Variants in ZNF382 observed in about 807,000 individuals in gnomAD.
ZNF382 encodes KRAB/zinc finger suppressor protein 1.
Under a neutral mutation model 38.8 loss-of-function variants are expected in ZNF382, and 20 were observed. The observed-to-expected ratio is 0.51, with a 90% CI of 0.36 to 0.75. The LOEUF (loss-of-function observed/expected upper bound fraction) is 0.75, where lower values mean the gene tolerates loss of function less well. ZNF382 is among the 30% of genes least tolerant of loss of function. ZNF382 has a pLI of 0.00. For missense variants in ZNF382, 546 were observed against 654.1 expected (o/e 0.83, Z 1.80); for synonymous variants, 202 against 223.1 (o/e 0.91, Z 0.84).
rs555129551 is a variant in ZNF382 at position 36,633,577 on chromosome 19, A to T, written c.*6027A>T. 22 of 152,288 alleles carry T rather than the reference A, an allele frequency of 1.4e-4. No homozygotes were observed. The highest frequency in any genetic ancestry group is 4.1e-4 in the African/African-American group (17 of 41,576). The allele number at this position is 152,288 out of a possible 1,614,324, so 9.4% of individuals were successfully genotyped here. On this transcript the variant is annotated 3_prime_UTR_variant, in exon 5 of 5. Transcript: ENST00000292928. Reference sequence around the variant, plus strand: ...CCAATATGACCCAGCAATCCCACTTATAAGTACTTATCCTAGAGAAATGAA... The same window carrying T: ...CCAATATGACCCAGCAATCCCACTTTTAAGTACTTATCCTAGAGAAATGAA...
intron 4 of ZNF382, among the ~76,000 whole-genome samples, chr19:36,623,129 C>T (rs1024528083): frequency 2.0e-5 from 3 of 152,030 alleles, no homozygotes; most frequent in African/African-American, 7.2e-5. Context: ...TAACAGAGGC[C>T]ATGTATCCAG....
At chr19:36,614,880 C>CCTTTCCTTTCCT in intron 4 of ZNF382, among the ~76,000 whole-genome samples, 1 of 89,894 alleles carries the variant, frequency 1.1e-5, no homozygotes, top group African/African-American at 4.4e-5. Flanking sequence ...TTCTTTCTTT[C>CCTTTCCTTTCCT]TTCCTTTCCT....
intron 4 of ZNF382, among the ~76,000 whole-genome samples, chr19:36,615,883 A>T (rs920655708): frequency 1.3e-5 from 2 of 152,190 alleles, no homozygotes; most frequent in Non-Finnish European, 2.9e-5. Context: ...GTAGAATAAA[A>T]ATATGTGCTC....
intron 2 of ZNF382, 70 bp downstream of exon 2, chr19:36,607,692 C>A: frequency 7.2e-7 from 1 of 1,382,002 alleles, no homozygotes; most frequent in Non-Finnish European, 9.5e-7. Context: ...CTTCACTGTC[C>A]TTTAACCTTC....
intron 4 of ZNF382, among the ~76,000 whole-genome samples, chr19:36,622,525 C>T (rs1008655926): frequency 7.2e-5 from 11 of 152,156 alleles, no homozygotes; most frequent in African/African-American, 2.4e-4. Flanking sequence ...CACTATGTGA[C>T]GATACATACA....
chr19:36,606,848 T>G (rs896147915), intron 1 of ZNF382, among the ~76,000 whole-genome samples: 3 of 151,800 alleles, frequency 2.0e-5, no homozygotes, highest in Admixed American at 1.3e-4. Context: ...GAGGCCAAGG[T>G]GGGCAGATCA....
At chr19:36,621,186 A>G (rs1158450704) in intron 4 of ZNF382, among the ~76,000 whole-genome samples, 2 of 152,076 alleles carry the variant, frequency 1.3e-5, no homozygotes, top group Admixed American at 6.6e-5. Context: ...ACAATGTGTT[A>G]TATTATCTCA....
chr19:36,607,287 A>C (rs2145309853), intron 1 of ZNF382, among the ~76,000 whole-genome samples: 2 of 151,794 alleles, frequency 1.3e-5, no homozygotes, highest in South Asian at 4.2e-4. Context: ...CTGCAGAGGG[A>C]AAAACACAGT....
intron 1 of ZNF382, 149 bp from the exon 2 acceptor site, chr19:36,607,403 C>T: frequency 1.8e-6 from 1 of 545,552 alleles, no homozygotes; most frequent in Non-Finnish European, 3.2e-6. Context: ...TGTTTTCCCA[C>T]TAACTACCAT....
At chr19:36,623,561 A>T (rs1264652642) in intron 4 of ZNF382, among the ~76,000 whole-genome samples, 2 of 152,058 alleles carry the variant, frequency 1.3e-5, no homozygotes, top group Non-Finnish European at 2.9e-5. Context: ...AGGCCAGGGC[A>T]GGTGGATCAC....
Position 36,626,613 on chromosome 19 carries a change from C to T in ZNF382, c.716C>T (p.Thr239Ile), listed in dbSNP as rs749917102. 58 of 1,614,126 alleles carry T rather than the reference C, an allele frequency of 3.6e-5. No individual in the cohort carries two copies. Among genetic ancestry groups the T allele is most frequent in the Non-Finnish European group, 4.8e-5 (57 of 1,180,022 alleles). The change falls in exon 5 of 5, where the codon ACC becomes ATC. Residue 239 changes from threonine (T) to isoleucine (I), a missense_variant. Transcript: ENST00000292928. ...ACTAGAGCTCACAGAGGAGAAAGAACCTTTGAATACAATAAAGATGGAATT... is the reference window on the plus strand; with the variant it reads ...ACTAGAGCTCACAGAGGAGAAAGAATCTTTGAATACAATAAAGATGGAATT... ...THTRAHRGER[T>I]FEYNKDGIAF...
intron 1 of ZNF382, 32 bp from the exon 2 acceptor site, chr19:36,607,520 C>T (rs1436972100): frequency 7.6e-7 from 1 of 1,317,152 alleles, no homozygotes; most frequent in African/African-American, 1.5e-5. Flanking sequence ...TATGGTCTCA[C>T]ATACGTATAT....
In ZNF382 at chr19:36,629,216, C is replaced by T. The variant is rs1207343174; in HGVS notation, c.*1666C>T. The stretch of plus-strand genomic sequence containing the variant: ...CCTCAGGTGATCTGCCTGCCTCGGC[C>T]TCCCAAAGTGCTAGGATTACAGGGA... On this transcript the variant is annotated 3_prime_UTR_variant, in exon 5 of 5. Transcript: ENST00000292928. 1 of 152,428 alleles carries T rather than the reference C, an allele frequency of 6.6e-6. No individual in the cohort carries two copies. The highest frequency in any genetic ancestry group is 1.9e-4 in the East Asian group (1 of 5,190). The allele number at this position is 152,428 out of a possible 1,614,324, so 9.4% of individuals were successfully genotyped here. A position where few individuals can be genotyped will look rare whatever the true frequency, so the allele number is the denominator to read the frequency against.
chr19:36,622,452 G>A (rs1240097748), intron 4 of ZNF382, among the ~76,000 whole-genome samples: 1 of 152,230 alleles, frequency 6.6e-6, no homozygotes, highest in African/African-American at 2.4e-5. Context: ...GTCTGGGAAA[G>A]TGCCAAACAT....
At position 36,627,170 on chromosome 19, in the gene ZNF382, G is replaced by C; in HGVS notation, c.1273G>C (p.Val425Leu). 6.2e-7 allele frequency: 1 copy of C among 1,614,040 alleles called. No individual in the cohort carries two copies. ...KAFIQKTTLTVHQRTHTGEKP... is the reference protein window; with the variant it reads ...KAFIQKTTLTLHQRTHTGEKP... ...ATTTATCCAGAAGACAACCCTCACTGTTCATCAGAGAACTCACACAGGAGA... is the reference window on the plus strand; with the variant it reads ...ATTTATCCAGAAGACAACCCTCACTCTTCATCAGAGAACTCACACAGGAGA... The change falls in exon 5 of 5, where the codon GTT becomes CTT. Residue 425 changes from valine (V) to leucine (L), a missense_variant. Transcript: ENST00000292928.
Position 36,624,483 on chromosome 19 carries a change from A to C in ZNF382, c.233-1647A>C, listed in dbSNP as rs1362349428. 4.6e-5 allele frequency among the ~76,000 whole-genome samples: 7 copies of C among 152,326 alleles called. No individual in the cohort carries two copies. In the East Asian group the frequency reaches 9.7e-4, roughly 21 times the overall value. Reference sequence around the variant, plus strand: ...GAATCCATCTTTAAATTGCCCTCCCAAATATGGATGGTAGTAAGGCAACAA... The same window carrying C: ...GAATCCATCTTTAAATTGCCCTCCCCAATATGGATGGTAGTAAGGCAACAA... On this transcript the variant is annotated intron_variant, in intron 4 of 4. Transcript: ENST00000292928.
intron 4 of ZNF382, among the ~76,000 whole-genome samples, chr19:36,618,456 C>T (rs1041485053): frequency 1.3e-5 from 2 of 152,128 alleles, no homozygotes; most frequent in African/African-American, 4.8e-5. Context: ...TTCTCCATTC[C>T]CAGATTTTGT....
At chr19:36,607,077 CAAAA>C (rs536882974) in intron 1 of ZNF382, among the ~76,000 whole-genome samples, 1 of 88,864 alleles carries the variant, frequency 1.1e-5, no homozygotes, top group Non-Finnish European at 2.3e-5. Context: ...AACTCTGTCT[CAAAA>C]AAAAAAAAAA....
In ZNF382 at chr19:36,627,652, A is replaced by G. The variant is rs73929125; in HGVS notation, c.*102A>G. On this transcript the variant is annotated 3_prime_UTR_variant, in exon 5 of 5. Transcript: ENST00000292928. ...CCAACAGTTTAAGGTACTATACCAC[A>G]TGGTAACCTACTGTTTGCCAGCCTG... 2.1e-3 allele frequency: 1,588 copies of G among 749,392 alleles called. 18 individuals carry two copies. The African/African-American group carries it at 0.024, about 11-fold the overall frequency. The allele number at this position is 749,392 out of a possible 1,614,324, so 46.4% of individuals were successfully genotyped here. A position where few individuals can be genotyped will look rare whatever the true frequency, so the allele number is the denominator to read the frequency against.
Sources: allele counts gnomAD v4.1 joint callset (sites outside exome capture counted in the v4.1 genomes callset), GRCh38; gene constraint gnomAD v4.1.1; transcripts MANE v1.5; gene names NCBI Gene and HGNC (gene_info 2026-07-23, HGNC 2026-07-21).